Variants in CSMD1 observed in about 807,000 individuals in gnomAD.
CSMD1 encodes the protein CUB and Sushi multiple domains 1.
A neutral mutation model predicts 417.5 loss-of-function variants in CSMD1; 213 were observed. The observed-to-expected ratio is 0.51, with a 90% CI of 0.46 to 0.57. The LOEUF (loss-of-function observed/expected upper bound fraction) is 0.57, where lower values mean the gene tolerates loss of function less well. CSMD1 is among the 20% of genes least tolerant of loss of function. The probability of loss-of-function intolerance (pLI) is 0.00; values close to 1 mark genes in which losing one functional copy is unlikely to be tolerated. For missense variants in CSMD1, 6,923 were observed against 4,529.7 expected (o/e 1.53, Z -15.17); for synonymous variants, 2,862 against 1,736.8 (o/e 1.65, Z -16.11).
At chr8:3,507,422 G>T (rs6988038) in intron 10 of CSMD1, among the ~76,000 whole-genome samples, 3 of 152,188 alleles carry the variant, frequency 2.0e-5, no homozygotes, top group South Asian at 4.1e-4. Context: ...CATTTGGGTT[G>T]GTTCCAAGTC....
chr8:4,714,528 A>G (rs1808520395), intron 1 of CSMD1, among the ~76,000 whole-genome samples: 1 of 152,206 alleles, frequency 6.6e-6, no homozygotes, highest in African/African-American at 2.4e-5. Flanking sequence ...CCAATTGAAC[A>G]TAACAGATAG....
intron 4 of CSMD1, among the ~76,000 whole-genome samples, chr8:4,009,458 C>G (rs989772308): frequency 2.0e-5 from 3 of 152,134 alleles, no homozygotes; most frequent in African/African-American, 7.2e-5. Context: ...ATTAAATAAG[C>G]TATGATACAT....
intron 2 of CSMD1, among the ~76,000 whole-genome samples, chr8:4,567,312 T>C (rs1462728945): frequency 1.3e-5 from 2 of 152,178 alleles, no homozygotes; most frequent in Non-Finnish European, 2.9e-5. Context: ...CAATAATGTT[T>C]ATTAAAAGTA....
chr8:3,457,778 A>G (rs1051595543), intron 12 of CSMD1, among the ~76,000 whole-genome samples: 1 of 152,224 alleles, frequency 6.6e-6, no homozygotes, highest in Admixed American at 6.5e-5. Context: ...ACAAATTCCA[A>G]TTGAAAGGAA....
intron 5 of CSMD1, among the ~76,000 whole-genome samples, chr8:3,817,252 C>CTTTTTTTTTTTTTTTTTTT (rs767668610): frequency 7.4e-5 from 4 of 54,420 alleles, no homozygotes; most frequent in Middle Eastern, 0.015. Flanking sequence ...TCTTCTTCTT[C>CTTTTTTTTTTTTTTTTTTT]TTTTTTTTTT....
At chr8:4,480,280 C>T (rs1239415947) in intron 2 of CSMD1, among the ~76,000 whole-genome samples, 1 of 151,918 alleles carries the variant, frequency 6.6e-6, no homozygotes, top group Non-Finnish European at 1.5e-5. Context: ...TGAGTTGACC[C>T]CCAGGATGAA....
intron 4 of CSMD1, among the ~76,000 whole-genome samples, chr8:4,005,542 C>G (rs939973237): frequency 1.3e-5 from 2 of 152,140 alleles, no homozygotes; most frequent in African/African-American, 4.8e-5. Context: ...TTGGCTCATT[C>G]TTTATTTTCT....
intron 5 of CSMD1, among the ~76,000 whole-genome samples, chr8:3,808,561 A>G (rs975715816): frequency 6.6e-6 from 1 of 152,188 alleles, no homozygotes. Flanking sequence ...TCTTTATGAT[A>G]TGGGGAGAAT....
intron 5 of CSMD1, among the ~76,000 whole-genome samples, chr8:3,773,433 T>G (rs2720767): frequency 0.14 from 21,343 of 151,972 alleles, 1,554 homozygotes; most frequent in East Asian, 0.29. Flanking sequence ...ACGACAGTCA[T>G]GCACCACTAT....
At position 2,973,215 on chromosome 8, in the gene CSMD1, A is replaced by C; in HGVS notation, c.8825T>G (p.Leu2942Arg). Residue 2942 changes from leucine to arginine, a missense_variant, in exon 57 of 70, where the codon CTC becomes CGC. Coordinates refer to ENST00000635120, the MANE Select transcript of CSMD1 (RefSeq NM_033225.6). ...LGDDFKTKSL[L>R]RFSCEMGHQL... ...GTGCCCCATTTCACAGGAGAAGCGG[A>C]GAAGACTCTTTGTCTTAAAGTCATC... is the stretch of plus-strand genomic sequence containing the variant. 6.2e-7 allele frequency: 1 copy of C among 1,613,934 alleles called. No homozygotes were observed. The highest frequency in any genetic ancestry group is 8.5e-7 in the Non-Finnish European group (1 of 1,179,828).
intron 2 of CSMD1, among the ~76,000 whole-genome samples, chr8:4,555,410 G>A (rs958064746): frequency 1.3e-5 from 2 of 152,082 alleles, no homozygotes; most frequent in Non-Finnish European, 2.9e-5. Context: ...TCCAGCGCAG[G>A]TGCATGGAGA....
chr8:3,489,709 A>C (rs1383981684), intron 11 of CSMD1, among the ~76,000 whole-genome samples: 1 of 152,208 alleles, frequency 6.6e-6, no homozygotes, highest in Non-Finnish European at 1.5e-5. Flanking sequence ...AAATTAACAA[A>C]ATGAGAAGTC....
Position 4,073,253 on chromosome 8 carries a change from A to G in CSMD1, c.416-41154T>C, listed in dbSNP as rs1799651449. Among the ~76,000 whole-genome samples the G allele has an allele frequency of 2.0e-5, 3 of 152,216 alleles. No homozygotes were observed. The South Asian group carries it at 6.2e-4, about 31-fold the overall frequency. ...GCAATAGGTGCATTAAATGATGAGA[A>G]GGTAAAAATAGGCCAAAATTAGAGT... On this transcript the variant is annotated intron_variant, in intron 3 of 69. Transcript: ENST00000635120.
At chr8:4,317,296 A>G (rs943795525) in intron 3 of CSMD1, among the ~76,000 whole-genome samples, 2 of 152,136 alleles carry the variant, frequency 1.3e-5, no homozygotes, top group Non-Finnish European at 2.9e-5. Context: ...CACTGGTGTG[A>G]TTTGTATAAA....
At chr8:4,823,916 G>C (rs1799660957) in intron 1 of CSMD1, among the ~76,000 whole-genome samples, 1 of 151,896 alleles carries the variant, frequency 6.6e-6, no homozygotes, top group Non-Finnish European at 1.5e-5. Flanking sequence ...AGAGAAGAAA[G>C]AGGAAAGAGC....
chr8:3,605,348 T>A (rs1159100646), intron 8 of CSMD1, among the ~76,000 whole-genome samples: 5 of 152,218 alleles, frequency 3.3e-5, no homozygotes, highest in Non-Finnish European at 7.3e-5. Context: ...ACACAGTCCA[T>A]AAGTGCAATT....
At chr8:4,508,857 T>C (rs1802671505) in intron 2 of CSMD1, among the ~76,000 whole-genome samples, 1 of 152,194 alleles carries the variant, frequency 6.6e-6, no homozygotes, top group Admixed American at 6.5e-5. Context: ...AATGTAAGCT[T>C]TCTGGAAGCT....
At chr8:3,551,196 A>T (rs1009970384) in intron 10 of CSMD1, among the ~76,000 whole-genome samples, 1 of 152,234 alleles carries the variant, frequency 6.6e-6, no homozygotes, top group Non-Finnish European at 1.5e-5. Flanking sequence ...ATTCAGTGAG[A>T]TAATGAACAT....
At chr8:3,613,712 C>CACAT (rs1339536353) in intron 8 of CSMD1, among the ~76,000 whole-genome samples, 1 of 106,944 alleles carries the variant, frequency 9.4e-6, no homozygotes, top group Non-Finnish European at 2.1e-5. Context: ...AACACACACA[C>CACAT]ACACACACAC....
Sources: gnomAD v4.1 joint callset for allele counts (sites outside exome capture counted in the v4.1 genomes callset) on GRCh38, gnomAD v4.1.1 for gene constraint, MANE v1.5 for transcripts, NCBI Gene and HGNC (gene_info 2026-07-23, HGNC 2026-07-21) for gene names.